BLTP1: variants seen among roughly 807,000 people sequenced by gnomAD.
BLTP1 encodes bridge-like lipid transfer protein family member 1, also known as fragile site-associated protein.
chr4:122,280,328 T>C, the BLTP1 span, among the ~76,000 whole-genome samples: 5 of 152,214 alleles, frequency 3.3e-5, 1 homozygote, highest in Admixed American at 3.3e-4. Context: ...TGGAAACTTA[T>C]GACTGCACAG....
At chr4:122,346,395 C>A in the BLTP1 span, 1 of 906,012 alleles carries the variant, frequency 1.1e-6, no homozygotes, top group Non-Finnish European at 1.3e-6. Flanking sequence ...CTGAGGATTT[C>A]ATGATAAAGT....
chr4:122,182,477 C>T, the BLTP1 span, among the ~76,000 whole-genome samples: 1 of 152,188 alleles, frequency 6.6e-6, no homozygotes, highest in Non-Finnish European at 1.5e-5. Flanking sequence ...TCTAAACACA[C>T]ACATTTTCTA....
chr4:122,355,399 A>C, the BLTP1 span, among the ~76,000 whole-genome samples: 2 of 151,976 alleles, frequency 1.3e-5, no homozygotes, highest in Admixed American at 6.6e-5. Flanking sequence ...CTTTGGGCTT[A>C]GTGAAATTCC....
chr4:122,346,553 C>A, the BLTP1 span: 1 of 1,560,600 alleles, frequency 6.4e-7, no homozygotes, highest in Non-Finnish European at 8.7e-7. Context: ...ATAACCCTGT[C>A]TTATACCTAC....
the BLTP1 span, chr4:122,219,681 A>C: frequency 1.5e-6 from 1 of 686,308 alleles, no homozygotes. Context: ...GAAACTTCTA[A>C]ATTTATTCTT....
the BLTP1 span, chr4:122,244,817 G>A: frequency 1.1e-5 from 4 of 377,530 alleles, no homozygotes; most frequent in African/African-American, 8.8e-5. Flanking sequence ...ACTTCATCTT[G>A]GGGTGAAGGT....
At chr4:122,207,087 A>G in the BLTP1 span, 2 of 1,573,914 alleles carry the variant, frequency 1.3e-6, no homozygotes, top group African/African-American at 1.4e-5. Context: ...TACAATTTCT[A>G]TTCACTACCC....
chr4:122,261,000 A>G, the BLTP1 span, among the ~76,000 whole-genome samples: 57 of 152,318 alleles, frequency 3.7e-4, no homozygotes, highest in African/African-American at 1.4e-3. Context: ...ATGTACTTAT[A>G]TAGGCCTAAC....
the BLTP1 span, among the ~76,000 whole-genome samples, chr4:122,343,086 CT>C: frequency 2.0e-5 from 3 of 152,120 alleles, no homozygotes; most frequent in Non-Finnish European, 4.4e-5. Context: ...TAAGCCCTAG[CT>C]ATTTTGGGCC....
the BLTP1 span, among the ~76,000 whole-genome samples, chr4:122,216,927 T>C: frequency 6.6e-6 from 1 of 152,194 alleles, no homozygotes; most frequent in African/African-American, 2.4e-5. Context: ...CTATCTTGAG[T>C]TGATTTTTCT....
chr4:122,331,198 A>C, the BLTP1 span: 36 of 1,411,146 alleles, frequency 2.6e-5, no homozygotes, highest in Admixed American at 3.3e-4. Flanking sequence ...CATTAAACTC[A>C]CTCATGTGAA....
chr4:122,337,051 T>TAAAAC, the BLTP1 span: 1 of 1,534,822 alleles, frequency 6.5e-7, no homozygotes, highest in Non-Finnish European at 8.9e-7. Context: ...CTTTTTGTTT[T>TAAAAC]AAAGAGAAAT....
the BLTP1 span, chr4:122,254,436 T>C: frequency 7.6e-7 from 1 of 1,323,078 alleles, no homozygotes; most frequent in Non-Finnish European, 1.0e-6. Context: ...AAAAATTACT[T>C]TTCTGGTATA....
At chr4:122,301,377 T>TA in the BLTP1 span, 1 of 1,594,966 alleles carries the variant, frequency 6.3e-7, no homozygotes, top group Non-Finnish European at 8.5e-7. Context: ...TCTCCTCTAT[T>TA]CCCTAAACTT....
the BLTP1 span, chr4:122,257,419 T>C: frequency 0.021 from 34,006 of 1,613,974 alleles, 450 homozygotes; most frequent in Middle Eastern, 0.075. Context: ...AACATGAAGA[T>C]GGACTTGGAT....
At chr4:122,175,228 C>T in the BLTP1 span, 2 of 984,636 alleles carry the variant, frequency 2.0e-6, no homozygotes, top group Non-Finnish European at 2.4e-6. Flanking sequence ...TAGAGTTTGG[C>T]AGTGCTCACA....
the BLTP1 span, chr4:122,316,754 A>C: frequency 2.7e-5 from 43 of 1,611,654 alleles, no homozygotes; most frequent in Non-Finnish European, 2.2e-5. Flanking sequence ...TATCGAAGAC[A>C]GGCAGCATCT....
the BLTP1 span, among the ~76,000 whole-genome samples, chr4:122,323,520 G>C: frequency 6.6e-6 from 1 of 151,380 alleles, no homozygotes; most frequent in Non-Finnish European, 1.5e-5. Flanking sequence ...AGAGCTGCAG[G>C]TGTCAAAGGA....
the BLTP1 span, chr4:122,251,641 A>G: frequency 1.0e-6 from 1 of 981,938 alleles, no homozygotes. Flanking sequence ...AATACTTGAC[A>G]GAAATTCAGG....
Sources: gnomAD v4.1 joint callset for allele counts (sites outside exome capture counted in the v4.1 genomes callset) on GRCh38, gnomAD v4.1.1 for gene constraint, MANE v1.5 for transcripts, NCBI Gene and HGNC (gene_info 2026-07-23, HGNC 2026-07-21) for gene names.